VXN: variants seen among roughly 807,000 people sequenced by gnomAD.
VXN encodes the protein uncharacterized protein C8orf46.
VXN carries 7 observed loss-of-function variants against 23.1 expected under a neutral mutation model. That is an observed-to-expected ratio of 0.30 (90% CI 0.17 to 0.57). The LOEUF (loss-of-function observed/expected upper bound fraction) is 0.57, where lower values mean the gene tolerates loss of function less well. VXN is among the 20% of genes least tolerant of loss of function. The pLI is 0.91. For synonymous variants in VXN, 120 were observed against 105.8 expected, an observed-to-expected ratio of 1.13 and a Z score of -0.83; for missense variants, 238 against 272.6, an observed-to-expected ratio of 0.87 and a Z score of 0.89.
chr8:66,498,871 C>T (rs1270453180), intron 2 of VXN: 1 of 455,386 alleles, frequency 2.2e-6, no homozygotes, highest in Non-Finnish European at 4.4e-6. Flanking sequence ...AAAGGGACTA[C>T]TGTATACTAT....
intron 5 of VXN, chr8:66,513,943 T>C: frequency 3.2e-6 from 1 of 311,132 alleles, no homozygotes; most frequent in Non-Finnish European, 5.9e-6. Context: ...TCACGAGCCA[T>C]ATTCAGAACC....
intron 5 of VXN, among the ~76,000 whole-genome samples, chr8:66,515,250 C>A (rs534608663): frequency 6.6e-6 from 1 of 152,294 alleles, no homozygotes; most frequent in East Asian, 1.9e-4. Context: ...TAAACTCAGT[C>A]ATTGTCATTT....
chr8:66,505,631 C>T, intron 3 of VXN, 103 bp downstream of exon 3: 1 of 1,338,268 alleles, frequency 7.5e-7, no homozygotes, highest in African/African-American at 1.5e-5. Flanking sequence ...GTGGCTGCGG[C>T]CTCAGTCGCG....
At chr8:66,494,228 G>A (rs2130538414) in intron 1 of VXN, among the ~76,000 whole-genome samples, 1 of 152,226 alleles carries the variant, frequency 6.6e-6, no homozygotes, top group East Asian at 1.9e-4. Flanking sequence ...CAGAACCCAG[G>A]GCCACCTTGC....
At chr8:66,500,260 A>G (rs570863437) in intron 2 of VXN, among the ~76,000 whole-genome samples, 1 of 152,354 alleles carries the variant, frequency 6.6e-6, no homozygotes, top group East Asian at 1.9e-4. Flanking sequence ...AGGCCAAAGG[A>G]GATACACATT....
At chr8:66,512,695 CAG>C (rs1333660872) in intron 4 of VXN, among the ~76,000 whole-genome samples, 1 of 152,176 alleles carries the variant, frequency 6.6e-6, no homozygotes, top group Non-Finnish European at 1.5e-5. Flanking sequence ...GACCTGAGGA[CAG>C]AGAAAGATCA....
chr8:66,500,556 G>GT lies in VXN; in HGVS notation c.126+4065dup, dbSNP rs1353352668. 6.9e-4 allele frequency among the ~76,000 whole-genome samples: 105 copies of GT among 152,162 alleles called. 2 individuals carry two copies. Among genetic ancestry groups the GT allele is most frequent in the Admixed American group, 6.9e-3 (105 of 15,262 alleles). On this transcript the variant is annotated intron_variant, in intron 2 of 5. Coordinates refer to ENST00000305454, the MANE Select transcript of VXN (RefSeq NM_152765.4). ...CTTTTTCTTATTTTAGATTTAGGGGGTATGTGTGCAGGTTTTTTAGATGAG... is the reference window on the plus strand; with the variant it reads ...CTTTTTCTTATTTTAGATTTAGGGGGTTATGTGTGCAGGTTTTTTAGATGAG...
intron 3 of VXN, 138 bp downstream of exon 3, chr8:66,505,666 TC>T (rs1807746705): frequency 9.1e-7 from 1 of 1,100,820 alleles, no homozygotes; most frequent in African/African-American, 1.6e-5. Context: ...ACCTGTGCTT[TC>T]CCAAGTAAAT....
In VXN at chr8:66,505,646, G is replaced by A. The variant is rs1807746315; in HGVS notation, c.280+118G>A. ...GTGGCTGCGGCCTCAGTCGCGCCAG[G>A]TGACCAAGCACCTGTGCTTTCCCAA... On this transcript the variant is annotated intron_variant, in intron 3 of 5. Coordinates refer to ENST00000305454, the MANE Select transcript of VXN (RefSeq NM_152765.4). The A allele has an allele frequency of 3.2e-6, 4 of 1,247,822 alleles. No homozygotes were observed. In the East Asian group the frequency reaches 8.1e-5, roughly 25 times the overall value. The allele number at this position is 1,247,822 out of a possible 1,614,324, so 77.3% of individuals were successfully genotyped here.
intron 2 of VXN, among the ~76,000 whole-genome samples, chr8:66,502,064 C>G (rs1258490937): frequency 1.3e-5 from 2 of 152,178 alleles, no homozygotes; most frequent in Middle Eastern, 3.2e-3. Context: ...CTCTTTCCTC[C>G]CTGAGCAATC....
In VXN at chr8:66,510,125, C is replaced by T; in HGVS notation, c.310C>T (p.Leu104=). The T allele has an allele frequency of 6.2e-7, 1 of 1,613,748 alleles. No individual in the cohort carries two copies. The highest frequency in any genetic ancestry group is 8.5e-7 in the Non-Finnish European group (1 of 1,179,838). The stretch of plus-strand genomic sequence containing the variant: ...GATTTCTGAACCCAAAACATCAAAT[C>T]TGTGTGGGAATCGAGCATATGGAAA... ...VGISEPKTSN[L]CGNRAYGKSL... Residue 104 remains leucine, a synonymous_variant, in exon 4 of 6, where the codon CTG becomes TTG. Coordinates refer to ENST00000305454, the MANE Select transcript of VXN (RefSeq NM_152765.4).
chr8:66,501,201 T>C (rs1807688250), intron 2 of VXN: 1 of 152,168 alleles, frequency 6.6e-6, no homozygotes, highest in Non-Finnish European at 1.5e-5. Flanking sequence ...TATGGCCGTG[T>C]AGTAAAAATA....
intron 2 of VXN, 74 bp downstream of exon 2, chr8:66,496,566 C>A: frequency 7.3e-7 from 1 of 1,375,174 alleles, no homozygotes; most frequent in Non-Finnish European, 1.0e-6. Flanking sequence ...CTTCTTCACT[C>A]TCGCTCCCCA....
In VXN at chr8:66,497,751, G is replaced by A. The variant is rs758965695; in HGVS notation, c.126+1259G>A. On this transcript the variant is annotated intron_variant, in intron 2 of 5. Coordinates refer to ENST00000305454, the MANE Select transcript of VXN (RefSeq NM_152765.4). Reference sequence around the variant, plus strand: ...TCCATTAAAAATTTTTTTCGACTGGGCACTGTGGCTTACACCTATAATCCC... The same window carrying A: ...TCCATTAAAAATTTTTTTCGACTGGACACTGTGGCTTACACCTATAATCCC... Among the ~76,000 whole-genome samples the A allele has an allele frequency of 3.8e-4, 58 of 152,012 alleles. 1 individual carries two copies. The highest frequency in any genetic ancestry group is 1.6e-4 in the Non-Finnish European group (11 of 68,008).
chr8:66,517,066 T>A lies in VXN; in HGVS notation c.*990T>A, dbSNP rs1807905997. The A allele has an allele frequency of 6.6e-6, 1 of 152,256 alleles. No individual in the cohort carries two copies. Among genetic ancestry groups the A allele is most frequent in the Admixed American group, 6.5e-5 (1 of 15,286 alleles). 9.4% of individuals were successfully genotyped at this position (152,256 alleles called of 1,614,324 possible). A position where few individuals can be genotyped will look rare whatever the true frequency, so the allele number is the denominator to read the frequency against. ...AGTAAGGGATTTGAATGAAATACAC[T>A]ATTATATCTTATATGTTAGCTTGAA... is the stretch of plus-strand genomic sequence containing the variant. On this transcript the variant is annotated 3_prime_UTR_variant, in exon 6 of 6. Coordinates refer to ENST00000305454, the MANE Select transcript of VXN (RefSeq NM_152765.4).
At chr8:66,498,217 C>T (rs146786972) in intron 2 of VXN, among the ~76,000 whole-genome samples, 28 of 151,600 alleles carry the variant, frequency 1.8e-4, no homozygotes, top group African/African-American at 6.3e-4. Context: ...TCTTGTTGTC[C>T]TAGCTACTTG....
intron 2 of VXN, among the ~76,000 whole-genome samples, chr8:66,504,969 C>G (rs1807733027): frequency 6.6e-6 from 1 of 152,266 alleles, no homozygotes; most frequent in African/African-American, 2.4e-5. Context: ...CACTCAGCTA[C>G]AAAGACTGTA....
intron 3 of VXN, among the ~76,000 whole-genome samples, chr8:66,505,880 C>T (rs1432022461): frequency 6.6e-6 from 1 of 152,028 alleles, no homozygotes; most frequent in African/African-American, 2.4e-5. Context: ...CGGCTCACTG[C>T]CCTGGGCTCA....
chr8:66,497,683 G>A lies in VXN; in HGVS notation c.126+1191G>A, dbSNP rs558351920. Among the ~76,000 whole-genome samples, 4 of 152,272 alleles carry A rather than the reference G, an allele frequency of 2.6e-5. No homozygotes were observed. In the South Asian group the frequency reaches 8.3e-4, roughly 32 times the overall value. ...TTCTATGACAATTTTTCATAGGATA[G>A]CATTTCAATTTTTGAAGTATCTCAA... On this transcript the variant is annotated intron_variant, in intron 2 of 5. Coordinates refer to ENST00000305454, the MANE Select transcript of VXN (RefSeq NM_152765.4).
Sources: allele counts gnomAD v4.1 joint callset (sites outside exome capture counted in the v4.1 genomes callset), GRCh38; gene constraint gnomAD v4.1.1; transcripts MANE v1.5; gene names NCBI Gene and HGNC (gene_info 2026-07-23, HGNC 2026-07-21).